Variants in CNNM3 observed in about 807,000 individuals in gnomAD.
The protein encoded by CNNM3 is metal transporter CNNM3.
A neutral mutation model predicts 57.1 loss-of-function variants in CNNM3; 47 were observed. That is an observed-to-expected ratio of 0.82 (90% CI 0.65 to 1.05). CNNM3 has a LOEUF of 1.05. CNNM3 is among the 50% of genes least tolerant of loss of function. The pLI is 0.00. For synonymous variants in CNNM3, 507 were observed against 478.2 expected, an observed-to-expected ratio of 1.06 and a Z score of -0.79; for missense variants, 957 against 973.7, an observed-to-expected ratio of 0.98 and a Z score of 0.23.
chr2:96,836,938 C>T (rs1218764358), downstream of CNNM3: 1 of 151,800 alleles, frequency 6.6e-6, no homozygotes, highest in Non-Finnish European at 1.5e-5. Flanking sequence ...TTTTTTAATC[C>T]TATAGCTGGT....
In CNNM3 at chr2:96,829,000, C is replaced by A. The variant is rs770397651; in HGVS notation, c.1925C>A (p.Thr642Lys). ...ALSDLQLIKV[T>K]RLQYLNALLA... ...AGTAACGCTGTCATCCTCCAGGTTA[C>A]GCGACTGCAGTACCTCAATGCACTC... Residue 642 changes from threonine to lysine, a missense_variant, in exon 7 of 8, where the codon ACG becomes AAG. Thr to Lys is a moderately conservative substitution (Grantham distance 78). This residue lies in a region of CNNM3 where 491 missense variants were observed against 570.6 expected (regional missense o/e 0.86). Coordinates refer to ENST00000305510, the MANE Select transcript of CNNM3 (RefSeq NM_017623.5). 6.2e-7 allele frequency: 1 copy of A among 1,613,676 alleles called. No homozygotes were observed. The highest frequency in any genetic ancestry group is 8.5e-7 in the Non-Finnish European group (1 of 1,179,726).
At chr2:96,822,714 GAGC>G (rs997089868) in intron 1 of CNNM3, among the ~76,000 whole-genome samples, 6 of 152,206 alleles carry the variant, frequency 3.9e-5, no homozygotes, top group Non-Finnish European at 5.9e-5. Flanking sequence ...CAGCAGTGAG[GAGC>G]GTCAGCACAC....
At position 96,816,268 on chromosome 2, in the gene CNNM3, G is replaced by C; in HGVS notation, c.-10G>C. ...AGGCTGCGCGAGAGGCCGAGAGGGG[G>C]CAGCAGGCGATGGCGGCGGCGGTAG... On this transcript the variant is annotated 5_prime_UTR_variant, in exon 1 of 8. Transcript: ENST00000305510. The C allele has an allele frequency of 2.3e-6, 3 of 1,311,224 alleles. No homozygotes were observed. Among genetic ancestry groups the C allele is most frequent in the Non-Finnish European group, 2.9e-6 (3 of 1,032,198 alleles). The allele number at this position is 1,311,224 out of a possible 1,614,324, so 81.2% of individuals were successfully genotyped here. A position where few individuals can be genotyped will look rare whatever the true frequency, so the allele number is the denominator to read the frequency against.
intron 2 of CNNM3, among the ~76,000 whole-genome samples, chr2:96,826,238 G>A (rs183328817): frequency 5.3e-5 from 8 of 151,760 alleles, no homozygotes; most frequent in African/African-American, 1.2e-4. Flanking sequence ...ATTTTGAGAC[G>A]GTCTTGCTCT....
chr2:96,818,831 C>A (rs2079364855), intron 1 of CNNM3, among the ~76,000 whole-genome samples: 1 of 152,214 alleles, frequency 6.6e-6, no homozygotes, highest in Non-Finnish European at 1.5e-5. Context: ...GGACTTGACC[C>A]TAAAGGCTGC....
chr2:96,827,008 C>A (rs1360428307), intron 3 of CNNM3, 26 bp downstream of exon 3: 4 of 1,609,180 alleles, frequency 2.5e-6, no homozygotes, highest in Non-Finnish European at 3.4e-6. Context: ...GGTCCATGCC[C>A]CCTGCTCTCC....
intron 7 of CNNM3, chr2:96,829,357 A>G (rs1418820401): frequency 4.5e-6 from 2 of 445,034 alleles, no homozygotes; most frequent in Non-Finnish European, 5.9e-6. Flanking sequence ...CTGGAGTACA[A>G]TGGTGTGATC....
intron 1 of CNNM3, among the ~76,000 whole-genome samples, chr2:96,818,967 C>T (rs1054264284): frequency 1.3e-5 from 2 of 152,212 alleles, no homozygotes; most frequent in Admixed American, 6.5e-5. Context: ...GACCGCTACT[C>T]CTGACTGAGC....
intron 7 of CNNM3, among the ~76,000 whole-genome samples, chr2:96,830,780 A>G (rs942328853): frequency 6.6e-6 from 1 of 152,182 alleles, no homozygotes. Context: ...CTCCTGCCTC[A>G]GCCTCCAAAG....
intron 1 of CNNM3, among the ~76,000 whole-genome samples, chr2:96,820,103 T>C (rs1006605747): frequency 6.6e-6 from 1 of 152,094 alleles, no homozygotes; most frequent in Non-Finnish European, 1.5e-5. Flanking sequence ...TACAGATCAG[T>C]AACAATTGTG....
At chr2:96,835,452 T>C (rs950494440), downstream of CNNM3, among the ~76,000 whole-genome samples, 2 of 151,836 alleles carry the variant, frequency 1.3e-5, no homozygotes, top group Admixed American at 6.6e-5. Flanking sequence ...GCATGTTTCG[T>C]TTTTTAAACA....
In CNNM3 at chr2:96,816,919, C is replaced by T. The variant is rs939271299; in HGVS notation, c.642C>T (p.Tyr214=). The stretch of plus-strand genomic sequence containing the variant: ...AGGCGGCGCTGGCGGTGCTGCTGTA[C>T]CGCGCGGCCGGCCAGCGTGCGGTGC... The part of the protein sequence containing the change: ...LAQAALAVLL[Y]RAAGQRAVPA... The change falls in exon 1 of 8, where the codon TAC becomes TAT. Residue 214 remains tyrosine, a synonymous_variant. Transcript: ENST00000305510. 11 of 1,193,116 alleles carry T rather than the reference C, an allele frequency of 9.2e-6. No homozygotes were observed. The highest frequency in any genetic ancestry group is 1.0e-5 in the Non-Finnish European group (10 of 964,472). The allele number at this position is 1,193,116 out of a possible 1,614,324, so 73.9% of individuals were successfully genotyped here.
chr2:96,832,821 A>C lies in CNNM3; in HGVS notation c.*205A>C. On this transcript the variant is annotated 3_prime_UTR_variant, in exon 8 of 8. Coordinates refer to ENST00000305510, the MANE Select transcript of CNNM3 (RefSeq NM_017623.5). ...CCGGCCCTGCCCTCCTTTAGGAGAC[A>C]GGAGTCACCAGGGCACAGCCCTCCA... 6.6e-7 allele frequency: 1 copy of C among 1,512,778 alleles called. No homozygotes were observed. Among genetic ancestry groups the C allele is most frequent in the Non-Finnish European group, 8.8e-7 (1 of 1,132,638 alleles). 93.7% of individuals were successfully genotyped at this position (1,512,778 alleles called of 1,614,324 possible).
chr2:96,816,847 G>A lies in CNNM3; in HGVS notation c.570G>A (p.Trp190Ter), dbSNP rs1325406358. Reference sequence around the variant, plus strand: ...GGCGTTTGGAGCCCGCGCGGCGCTGGGCCGGCTGCGCCTTGGGCGCGCTGC... The same window carrying A: ...GGCGTTTGGAGCCCGCGCGGCGCTGAGCCGGCTGCGCCTTGGGCGCGCTGC... The part of the protein sequence containing the change: ...AARRLEPARR[W>*]AGCALGALLL... The change falls in exon 1 of 8, where the codon TGG becomes TGA. Residue 190 changes from tryptophan to a stop codon, truncating the protein, a stop_gained. Transcript: ENST00000305510. LOFTEE classifies it high-confidence loss of function. 4 of 1,058,612 alleles carry A rather than the reference G, an allele frequency of 3.8e-6. No homozygotes were observed. The African/African-American group carries it at 5.1e-5, about 14-fold the overall frequency. 65.6% of individuals were successfully genotyped at this position (1,058,612 alleles called of 1,614,324 possible). A position where few individuals can be genotyped will look rare whatever the true frequency, so the allele number is the denominator to read the frequency against.
rs1222695164 is a variant in CNNM3, at chr2:96,834,856, C to G, written c.*2240C>G. On this transcript the variant is annotated 3_prime_UTR_variant, in exon 8 of 8. Coordinates refer to ENST00000305510, the MANE Select transcript of CNNM3 (RefSeq NM_017623.5). ...ACTTAGAGCTGTTGCTTTCTTTTTTCCTAACTTTATATTTTGAAATAATTT... is the reference window on the plus strand; with the variant it reads ...ACTTAGAGCTGTTGCTTTCTTTTTTGCTAACTTTATATTTTGAAATAATTT... 6.6e-6 allele frequency among the ~76,000 whole-genome samples: 1 copy of G among 152,124 alleles called. No individual in the cohort carries two copies. Among genetic ancestry groups the G allele is most frequent in the Non-Finnish European group, 1.5e-5 (1 of 68,032 alleles).
rs762041604 is a variant in CNNM3, at chr2:96,829,016, C to G, written c.1941C>G (p.Leu647=). ...QLIKVTRLQY[L]NALLATRAQN... ...TCCAGGTTACGCGACTGCAGTACCT[C>G]AATGCACTCCTGGCTACCCGAGCCC... The change falls in exon 7 of 8, where the codon CTC becomes CTG. Residue 647 remains leucine (L), a synonymous_variant. Coordinates refer to ENST00000305510, the MANE Select transcript of CNNM3 (RefSeq NM_017623.5). 1 of 1,614,034 alleles carries G rather than the reference C, an allele frequency of 6.2e-7. No homozygotes were observed. The highest frequency in any genetic ancestry group is 2.2e-5 in the East Asian group (1 of 44,868).
Position 96,830,237 on chromosome 2 carries a change from C to T in CNNM3, c.2059+1103C>T, listed in dbSNP as rs146613052. On this transcript the variant is annotated intron_variant, in intron 7 of 7. Transcript: ENST00000305510. ...GTGGAGGGAGCTGCAGGCTTGCCTC[C>T]TCCCACCCCCACCTGCCCCACCACG... is the stretch of plus-strand genomic sequence containing the variant. Among the ~76,000 whole-genome samples the T allele has an allele frequency of 1.2e-4, 18 of 152,294 alleles. No homozygotes were observed. In the East Asian group the frequency reaches 3.5e-3, roughly 29 times the overall value.
intron 1 of CNNM3, 36 bp downstream of exon 1, chr2:96,817,538 C>G (rs1049523089): frequency 6.4e-7 from 1 of 1,564,154 alleles, no homozygotes; most frequent in African/African-American, 1.3e-5. Flanking sequence ...GACGCCCGTG[C>G]GAGTGCCCTC....
intron 1 of CNNM3, among the ~76,000 whole-genome samples, chr2:96,820,992 G>A (rs1485169293): frequency 6.6e-6 from 1 of 152,164 alleles, no homozygotes; most frequent in African/African-American, 2.4e-5. Flanking sequence ...TTGGGGTTGA[G>A]TGCCTCTGCT....
Sources: allele counts gnomAD v4.1 joint callset (sites outside exome capture counted in the v4.1 genomes callset), GRCh38; gene constraint gnomAD v4.1.1; regional missense constraint gnomAD v4.1.1; transcripts MANE v1.5; gene names NCBI Gene and HGNC (gene_info 2026-07-23, HGNC 2026-07-21).